AQR: variants seen among roughly 807,000 people sequenced by gnomAD.
AQR encodes the protein RNA helicase aquarius.
AQR carries 61 observed loss-of-function variants against 180.5 expected under a neutral mutation model. The ratio of observed to expected loss-of-function variants is 0.34; its 90% CI spans 0.28 to 0.42. AQR has a LOEUF of 0.42. Among genes scored for constraint, AQR ranks in the 10% least tolerant of loss-of-function variants. The pLI is 1.00. For missense variants in AQR, 1,281 were observed against 1,798.3 expected, an observed-to-expected ratio of 0.71 and a Z score of 5.20; for synonymous variants, 551 against 588.8, an observed-to-expected ratio of 0.94 and a Z score of 0.93.
At chr15:34,965,101 T>C (rs574327678) in intron 1 of AQR, among the ~76,000 whole-genome samples, 13 of 152,374 alleles carry the variant, frequency 8.5e-5, no homozygotes, top group South Asian at 2.1e-4. Context: ...TCTGTGAGGC[T>C]GTCCTCAACA....
At chr15:34,936,974 C>T (rs986218081) in intron 9 of AQR, among the ~76,000 whole-genome samples, 2 of 152,160 alleles carry the variant, frequency 1.3e-5, no homozygotes, top group Non-Finnish European at 1.5e-5. Flanking sequence ...GGTTTGAAGG[C>T]ACTTAGTGGA....
chr15:34,881,206 A>G (rs1892968195), intron 27 of AQR, among the ~76,000 whole-genome samples: 1 of 152,220 alleles, frequency 6.6e-6, no homozygotes, highest in Admixed American at 6.5e-5. Context: ...TAGGTGAAAA[A>G]TTCTCACTAA....
At chr15:34,914,628 A>C (rs978254968) in intron 16 of AQR, among the ~76,000 whole-genome samples, 3 of 152,208 alleles carry the variant, frequency 2.0e-5, no homozygotes, top group Admixed American at 2.0e-4. Context: ...TGACAAGAGT[A>C]GGTGGATTAA....
At position 34,874,679 on chromosome 15, in the gene AQR, TG is replaced by T; in HGVS notation, c.3422del (p.Ala1141GlufsTer14). On this transcript the variant is annotated frameshift_variant, in exon 29 of 35. Coordinates refer to ENST00000156471, the MANE Select transcript of AQR (RefSeq NM_014691.3). LOFTEE classifies it high-confidence loss of function. ...VDLDAQGRAR[A>X]SLCNLYNWRY... The stretch of plus-strand genomic sequence containing the variant: ...ATTTTTTTTCCTGTCTCTTTTACCT[TG>T]CTCTGGCTCTCCCTTGAGCATCAAG... 1 of 1,613,066 alleles carries T rather than the reference TG, an allele frequency of 6.2e-7. No homozygotes were observed.
chr15:34,878,046 G>A (rs530031308), intron 27 of AQR, among the ~76,000 whole-genome samples: 46 of 152,062 alleles, frequency 3.0e-4, no homozygotes, highest in Non-Finnish European at 5.9e-5. Context: ...GATTACCTGC[G>A]ACTCTAAGGT....
chr15:34,866,001 C>A (rs1892733735), intron 32 of AQR, among the ~76,000 whole-genome samples: 1 of 151,664 alleles, frequency 6.6e-6, no homozygotes, highest in African/African-American at 2.4e-5. Flanking sequence ...TGTTAATATA[C>A]AAAAAAATCA....
At position 34,874,727 on chromosome 15, in the gene AQR, G is replaced by A. The variant is rs140189633; in HGVS notation, c.3375C>T (p.Arg1125=). 16 of 1,613,750 alleles carry A rather than the reference G, an allele frequency of 9.9e-6. No homozygotes were observed. The highest frequency in any genetic ancestry group is 9.3e-5 in the African/African-American group (7 of 74,990). Residue 1125 remains arginine (R), a synonymous_variant, in exon 29 of 35, where the codon CGC becomes CGT. Transcript: ENST00000156471. ...CAAGGTCAACAGTCGGAACTCCAAC[G>A]CGAACAAAGCGAGTGAAGAGAGACT... The part of the protein sequence containing the change: ...MEQSLFTRFV[R]VGVPTVDLDA...
At chr15:34,960,909 G>A in intron 2 of AQR, 95 bp from the exon 3 acceptor site, 26 of 465,170 alleles carry the variant, frequency 5.6e-5, no homozygotes, top group South Asian at 1.0e-4. Context: ...AAAATAAGTT[G>A]GTTTAGGAAA....
At chr15:34,866,345 G>T (rs1892738250) in intron 32 of AQR, among the ~76,000 whole-genome samples, 1 of 152,022 alleles carries the variant, frequency 6.6e-6, no homozygotes, top group Non-Finnish European at 1.5e-5. Flanking sequence ...GAAAATTTTG[G>T]CAAATACAAA....
chr15:34,946,437 G>GGT (rs1566995091), intron 5 of AQR, among the ~76,000 whole-genome samples: 1 of 139,936 alleles, frequency 7.1e-6, no homozygotes, highest in South Asian at 2.3e-4. Flanking sequence ...AGGTGGGGGG[G>GGT]GTCAGCCCCC....
chr15:34,886,699 T>C, intron 24 of AQR, 38 bp from the exon 25 acceptor site: 1 of 1,568,560 alleles, frequency 6.4e-7, no homozygotes, highest in African/African-American at 1.4e-5. Flanking sequence ...AAAACTGTAA[T>C]AAAGAGACTT....
At chr15:34,893,606 T>TGCAC (rs552071481) in intron 23 of AQR, 57 bp downstream of exon 23, 117,344 of 797,990 alleles carry the variant, frequency 0.15, 11,857 homozygotes, top group South Asian at 0.19. Context: ...TGCGCATGCG[T>TGCAC]GCACACACAC....
At chr15:34,956,246 C>A (rs1370666312) in intron 3 of AQR, among the ~76,000 whole-genome samples, 2 of 152,248 alleles carry the variant, frequency 1.3e-5, no homozygotes, top group East Asian at 3.9e-4. Context: ...CTGTAAATCA[C>A]CCTTTTTGAA....
chr15:34,911,402 CCCA>C (rs1335336327), intron 16 of AQR, among the ~76,000 whole-genome samples: 1 of 152,160 alleles, frequency 6.6e-6, no homozygotes, highest in Non-Finnish European at 1.5e-5. Context: ...AATTGACATT[CCCA>C]CCAATAGTGT....
At chr15:34,943,062 G>A (rs542452319) in intron 6 of AQR, 29 of 1,609,468 alleles carry the variant, frequency 1.8e-5, no homozygotes, top group East Asian at 8.9e-5. Context: ...TTTCTGTGCC[G>A]ATAACGCTCA....
chr15:34,928,598 G>A (rs756952231), intron 12 of AQR, among the ~76,000 whole-genome samples: 23 of 151,936 alleles, frequency 1.5e-4, no homozygotes, highest in Non-Finnish European at 2.9e-4. Context: ...GTCTATCGTT[G>A]ATGGGTTGGT....
At position 34,930,775 on chromosome 15, in the gene AQR, G is replaced by GT. The variant is rs1270817685; in HGVS notation, c.901-405dup. ...GAACTCCTGAGGTCTCTCGCTATAGGTTTTGCAATTCATAATTGGAGATAC... is the reference window on the plus strand; with the variant it reads ...GAACTCCTGAGGTCTCTCGCTATAGGTTTTTGCAATTCATAATTGGAGATAC... On this transcript the variant is annotated intron_variant, in intron 11 of 34. Transcript: ENST00000156471. Among the ~76,000 whole-genome samples the GT allele has an allele frequency of 3.4e-5, 5 of 147,174 alleles. No individual in the cohort carries two copies. The South Asian group carries it at 6.4e-4, about 19-fold the overall frequency.
At chr15:34,879,466 A>C (rs889515700) in intron 27 of AQR, among the ~76,000 whole-genome samples, 3 of 152,080 alleles carry the variant, frequency 2.0e-5, no homozygotes, top group Non-Finnish European at 4.4e-5. Flanking sequence ...GATTTTCCAG[A>C]CCCCTTTCCT....
intron 9 of AQR, among the ~76,000 whole-genome samples, chr15:34,938,425 C>T (rs1330643322): frequency 1.3e-5 from 2 of 152,002 alleles, no homozygotes; most frequent in Admixed American, 6.6e-5. Context: ...CCCAGCTACT[C>T]GGGAGGCTGA....
Sources: allele counts gnomAD v4.1 joint callset (sites outside exome capture counted in the v4.1 genomes callset), GRCh38; gene constraint gnomAD v4.1.1; transcripts MANE v1.5; gene names NCBI Gene and HGNC (gene_info 2026-07-23, HGNC 2026-07-21).